STXBP5L: variants seen among roughly 807,000 people sequenced by gnomAD.
The protein encoded by STXBP5L is syntaxin binding protein 5L, also known as syntaxin-binding protein 5-like.
A neutral mutation model predicts 144.5 loss-of-function variants in STXBP5L; 65 were observed. That is an observed-to-expected ratio of 0.45 (90% CI 0.37 to 0.55). The LOEUF (loss-of-function observed/expected upper bound fraction) is 0.55, where lower values mean the gene tolerates loss of function less well. Ranked by LOEUF, STXBP5L falls within the 20% of genes least tolerant of loss-of-function variation. The pLI, the probability that STXBP5L is intolerant of heterozygous loss-of-function variation, is 0.00. For synonymous variants in STXBP5L, 505 were observed against 469.6 expected, an observed-to-expected ratio of 1.08 and a Z score of -0.97; for missense variants, 1,298 against 1,405.5, an observed-to-expected ratio of 0.92 and a Z score of 1.22.
intron 7 of STXBP5L, among the ~76,000 whole-genome samples, chr3:121,134,549 T>TC (rs1360848990): frequency 6.6e-6 from 1 of 151,294 alleles, no homozygotes; most frequent in South Asian, 2.1e-4. Flanking sequence ...ATGCTTTCCC[T>TC]CCCCCCTTCC....
chr3:121,237,474 C>A (rs2049519209), intron 12 of STXBP5L, among the ~76,000 whole-genome samples: 1 of 152,150 alleles, frequency 6.6e-6, no homozygotes, highest in African/African-American at 2.4e-5. Flanking sequence ...GATGGGTGGC[C>A]TCAAAGATTT....
At chr3:121,139,296 A>G (rs2045394503) in intron 7 of STXBP5L, among the ~76,000 whole-genome samples, 2 of 152,152 alleles carry the variant, frequency 1.3e-5, no homozygotes, top group Non-Finnish European at 2.9e-5. Flanking sequence ...GCTAATTATC[A>G]TGATTTGGTC....
chr3:121,222,255 C>A (rs1416187904), intron 10 of STXBP5L, among the ~76,000 whole-genome samples: 1 of 152,010 alleles, frequency 6.6e-6, no homozygotes, highest in Non-Finnish European at 1.5e-5. Flanking sequence ...GAAATGACTT[C>A]ATAATTTTCA....
At chr3:121,086,710 T>A (rs1426944222) in intron 5 of STXBP5L, among the ~76,000 whole-genome samples, 2 of 152,132 alleles carry the variant, frequency 1.3e-5, no homozygotes, top group African/African-American at 4.8e-5. Flanking sequence ...AATGTTCCAA[T>A]GAGCATTTCC....
chr3:121,216,979 C>A (rs1166791391), intron 10 of STXBP5L, among the ~76,000 whole-genome samples: 1 of 152,136 alleles, frequency 6.6e-6, no homozygotes, highest in Non-Finnish European at 1.5e-5. Context: ...TTTGTTTATA[C>A]TGTCAGGGCA....
At chr3:121,019,059 G>A (rs1218772112) in intron 3 of STXBP5L, among the ~76,000 whole-genome samples, 1 of 152,186 alleles carries the variant, frequency 6.6e-6, no homozygotes, top group African/African-American at 2.4e-5. Context: ...TGGCCTTTCG[G>A]CTGCAGGCTG....
chr3:120,978,521 G>C (rs554295026), intron 3 of STXBP5L, among the ~76,000 whole-genome samples: 1 of 152,006 alleles, frequency 6.6e-6, no homozygotes, highest in African/African-American at 2.4e-5. Context: ...TAGTTTGATC[G>C]TCTGAAGCCT....
At chr3:121,117,765 C>A (rs1160848805) in intron 6 of STXBP5L, among the ~76,000 whole-genome samples, 1 of 151,372 alleles carries the variant, frequency 6.6e-6, no homozygotes, top group East Asian at 1.9e-4. Context: ...ATTCTAATTG[C>A]AATTAGAGGC....
At chr3:120,995,634 A>AT (rs551057184) in intron 3 of STXBP5L, among the ~76,000 whole-genome samples, 6 of 150,494 alleles carry the variant, frequency 4.0e-5, no homozygotes, top group Non-Finnish European at 7.4e-5. Context: ...AGTTATCAAC[A>AT]TTTTTTTTTA....
chr3:121,293,095 A>C (rs2051507087), intron 19 of STXBP5L, among the ~76,000 whole-genome samples: 2 of 152,242 alleles, frequency 1.3e-5, no homozygotes. Flanking sequence ...ATGGATAAAC[A>C]AATTCTGGCA....
At chr3:121,352,620 A>G (rs1304925838) in intron 20 of STXBP5L, among the ~76,000 whole-genome samples, 1 of 152,116 alleles carries the variant, frequency 6.6e-6, no homozygotes, top group African/African-American at 2.4e-5. Flanking sequence ...CAATCATGTC[A>G]TCTGCAAACA....
At chr3:121,338,311 T>G (rs1455165024) in intron 20 of STXBP5L, among the ~76,000 whole-genome samples, 1 of 151,958 alleles carries the variant, frequency 6.6e-6, no homozygotes, top group African/African-American at 2.4e-5. Context: ...ATTAGCTAGA[T>G]TAACCAAGAA....
rs139791497 is a variant in STXBP5L at position 120,973,597 on chromosome 3, G to C, written c.287+18560G>C. Among the ~76,000 whole-genome samples the C allele has an allele frequency of 6.2e-4, 94 of 151,922 alleles. 1 individual carries two copies. The South Asian group carries it at 0.01, about 16-fold the overall frequency. On this transcript the variant is annotated intron_variant, in intron 3 of 26. Transcript: ENST00000471454. ...TAGGGTACATGTGCACAATGTGCAG[G>C]TTAGTTACATATGTATACTTGTGCC...
At chr3:121,289,349 A>G (rs2051340699) in intron 19 of STXBP5L, among the ~76,000 whole-genome samples, 1 of 152,170 alleles carries the variant, frequency 6.6e-6, no homozygotes, top group South Asian at 2.1e-4. Flanking sequence ...ACGGGAAAAT[A>G]TAACAATTCT....
At chr3:121,037,857 T>A (rs1946867978) in intron 3 of STXBP5L, among the ~76,000 whole-genome samples, 1 of 152,068 alleles carries the variant, frequency 6.6e-6, no homozygotes, top group South Asian at 2.1e-4. Context: ...TATAGTGCTG[T>A]TAAATTTCCT....
At chr3:121,146,961 A>G (rs2107964723) in intron 7 of STXBP5L, among the ~76,000 whole-genome samples, 1 of 152,210 alleles carries the variant, frequency 6.6e-6, no homozygotes, top group Non-Finnish European at 1.5e-5. Context: ...TATTTTTAAA[A>G]TTGGACAGAA....
At chr3:120,976,781 C>T (rs554982753) in intron 3 of STXBP5L, among the ~76,000 whole-genome samples, 80 of 152,030 alleles carry the variant, frequency 5.3e-4, no homozygotes, top group Non-Finnish European at 9.7e-4. Flanking sequence ...CATCTTTATT[C>T]CTGCCTTCAT....
intron 20 of STXBP5L, among the ~76,000 whole-genome samples, chr3:121,331,386 T>G (rs2044317270): frequency 6.6e-6 from 1 of 152,154 alleles, no homozygotes; most frequent in African/African-American, 2.4e-5. Flanking sequence ...TAGACACCCT[T>G]TCTGGAACAT....
In STXBP5L at chr3:121,178,509, T is replaced by A. The variant is rs1213228119; in HGVS notation, c.877+20882T>A. Among the ~76,000 whole-genome samples, 3 of 152,128 alleles carry A rather than the reference T, an allele frequency of 2.0e-5. No individual in the cohort carries two copies. The East Asian group carries it at 5.8e-4, about 29-fold the overall frequency. ...ATCTTTTGATGACACTGAAGTACAATAAAATTAATTTAAAAAATAAATGAT... is the reference window on the plus strand; with the variant it reads ...ATCTTTTGATGACACTGAAGTACAAAAAAATTAATTTAAAAAATAAATGAT... On this transcript the variant is annotated intron_variant, in intron 9 of 26. Transcript: ENST00000471454.
Sources: gnomAD v4.1 joint callset for allele counts (sites outside exome capture counted in the v4.1 genomes callset) on GRCh38, gnomAD v4.1.1 for gene constraint, MANE v1.5 for transcripts, NCBI Gene and HGNC (gene_info 2026-07-23, HGNC 2026-07-21) for gene names.